Variants in KANK1 observed in about 807,000 individuals in gnomAD.
KANK1 encodes KN motif and ankyrin repeat domain-containing protein 1.
A neutral mutation model predicts 106.2 loss-of-function variants in KANK1; 109 were observed. The observed-to-expected ratio is 1.03, with a 90% CI of 0.88 to 1.20. KANK1 has a LOEUF of 1.20. Ranked by LOEUF, KANK1 falls within the 50% of genes most tolerant of loss-of-function variation. The pLI, the probability that KANK1 is intolerant of heterozygous loss-of-function variation, is 0.00. For missense variants in KANK1, 2,399 were observed against 1,710.7 expected, an observed-to-expected ratio of 1.40 and a Z score of -7.10; for synonymous variants, 873 against 652.2, an observed-to-expected ratio of 1.34 and a Z score of -5.16.
At chr9:523,131 G>A (rs763376184) in intron 1 of KANK1, among the ~76,000 whole-genome samples, 1 of 151,350 alleles carries the variant, frequency 6.6e-6, no homozygotes, top group Non-Finnish European at 1.5e-5. Flanking sequence ...TTTTTCTCCA[G>A]TTCCACTCTG....
At position 494,426 on chromosome 9, in the gene KANK1, CCT is replaced by C. The variant is rs200699955; in HGVS notation, c.-362+21154_-362+21155del. Among the ~76,000 whole-genome samples the C allele has an allele frequency of 5.8e-3, 880 of 152,268 alleles. 9 individuals are homozygous for C. The highest frequency in any genetic ancestry group is 0.02 in the African/African-American group (827 of 41,520). On this transcript the variant is annotated intron_variant, in intron 3 of 15. Coordinates refer to the KANK1 transcript ENST00000382303. ...TTATACTGGCGGTATAGAATTCTCCCCTGTTACTGTGTAACCACGCTACCTCC... is the reference window on the plus strand; with the variant it reads ...TTATACTGGCGGTATAGAATTCTCCCGTTACTGTGTAACCACGCTACCTCC...
At chr9:601,004 G>A (rs1245428164) in intron 1 of KANK1, among the ~76,000 whole-genome samples, 1 of 151,700 alleles carries the variant, frequency 6.6e-6, no homozygotes, top group Admixed American at 6.6e-5. Context: ...ATTAACTAAA[G>A]CAGAAGGAGG....
intron 1 of KANK1, among the ~76,000 whole-genome samples, chr9:636,791 CG>C: frequency 6.6e-6 from 1 of 152,252 alleles, no homozygotes; most frequent in Non-Finnish European, 1.5e-5. Context: ...CGCATGAACC[CG>C]GGAGGTGGAG....
intron 1 of KANK1, among the ~76,000 whole-genome samples, chr9:541,906 G>A (rs933853187): frequency 1.5e-4 from 22 of 151,562 alleles, no homozygotes; most frequent in East Asian, 5.9e-4. Flanking sequence ...TGGCTAACAC[G>A]GTGAAACCCC....
At chr9:485,665 G>T (rs2058279487) in intron 3 of KANK1, among the ~76,000 whole-genome samples, 1 of 152,102 alleles carries the variant, frequency 6.6e-6, no homozygotes, top group South Asian at 2.1e-4. Context: ...TTCAGGTCAG[G>T]AGTTGGAGAC....
chr9:588,480 G>C (rs1179695300), intron 1 of KANK1, among the ~76,000 whole-genome samples: 1 of 152,030 alleles, frequency 6.6e-6, no homozygotes, highest in African/African-American at 2.4e-5. Context: ...CTCTGTTGAT[G>C]TACTGTTTTC....
chr9:572,852 G>T (rs1182213490), intron 1 of KANK1, among the ~76,000 whole-genome samples: 1 of 152,022 alleles, frequency 6.6e-6, no homozygotes, highest in Non-Finnish European at 1.5e-5. Flanking sequence ...AAAAATTTCT[G>T]AAATAAAATT....
At chr9:629,839 A>G (rs1835243506) in intron 1 of KANK1, among the ~76,000 whole-genome samples, 4 of 152,264 alleles carry the variant, frequency 2.6e-5, no homozygotes, top group Admixed American at 2.0e-4. Context: ...TATTTTAAAC[A>G]GCAGGCAATG....
chr9:481,942 C>T (rs1186754553), intron 3 of KANK1, among the ~76,000 whole-genome samples: 3 of 152,126 alleles, frequency 2.0e-5, no homozygotes, highest in African/African-American at 7.2e-5. Flanking sequence ...AGCCCAGGGG[C>T]GAGGAGGAGG....
chr9:680,482 T>C (rs1332491808), intron 2 of KANK1, among the ~76,000 whole-genome samples: 2 of 152,214 alleles, frequency 1.3e-5, no homozygotes, highest in Non-Finnish European at 2.9e-5. Context: ...ACTTCAGACA[T>C]ACAAAATGTG....
rs147995816 is a variant in KANK1, at chr9:648,260, C to A, written c.-83-28630C>A. On this transcript the variant is annotated intron_variant, in intron 1 of 11. Coordinates refer to ENST00000382297, the MANE Select transcript of KANK1 (RefSeq NM_015158.5). ...CCTGTGATCCGCCTGCCCCAGCCTC[C>A]CAAAGTGCTGAGATTACAGGCGTGA... 4.7e-3 allele frequency among the ~76,000 whole-genome samples: 715 copies of A among 152,040 alleles called. 23 individuals carry two copies. Among genetic ancestry groups the A allele is most frequent in the African/African-American group, 0.016 (664 of 41,386 alleles).
intron 1 of KANK1, among the ~76,000 whole-genome samples, chr9:619,790 C>T (rs1217125723): frequency 6.6e-6 from 1 of 152,090 alleles, no homozygotes; most frequent in Non-Finnish European, 1.5e-5. Flanking sequence ...ATACTTTAAA[C>T]AGGCTCTTCC....
intron 1 of KANK1, among the ~76,000 whole-genome samples, chr9:554,860 C>G: frequency 6.6e-6 from 1 of 152,150 alleles, no homozygotes. Context: ...AAAACGAGAT[C>G]TTTCGTGGCA....
At position 699,270 on chromosome 9, in the gene KANK1, C is replaced by T. The variant is rs75459436; in HGVS notation, c.38-11534C>T. Among the ~76,000 whole-genome samples the T allele has an allele frequency of 2.3e-3, 344 of 152,330 alleles. 4 individuals carry two copies. The East Asian group carries it at 0.047, about 21-fold the overall frequency. On this transcript the variant is annotated intron_variant, in intron 2 of 11. Transcript: ENST00000382297. ...CACTTGTCTGTCTCCTCCTATACTT[C>T]GTAAGTTCTACCCAGACAGGCTCTG... is the stretch of plus-strand genomic sequence containing the variant.
At chr9:471,218 C>G (rs748208839) in intron 2 of KANK1, among the ~76,000 whole-genome samples, 13 of 152,100 alleles carry the variant, frequency 8.5e-5, no homozygotes, top group African/African-American at 3.1e-4. Context: ...TCAGAGCTGG[C>G]GAAGCTGGGC....
chr9:505,538 C>T (rs1272771602), intron 1 of KANK1, among the ~76,000 whole-genome samples: 2 of 152,216 alleles, frequency 1.3e-5, no homozygotes, highest in African/African-American at 2.4e-5. Flanking sequence ...GCAGCCACGG[C>T]TCCTTGACCG....
chr9:608,500 T>C (rs1829841786), intron 1 of KANK1, among the ~76,000 whole-genome samples: 1 of 151,858 alleles, frequency 6.6e-6, no homozygotes, highest in African/African-American at 2.4e-5. Context: ...GATCATTGTT[T>C]CAGAGCATGT....
At position 711,444 on chromosome 9, in the gene KANK1, C is replaced by G. The variant is rs1231174113; in HGVS notation, c.678C>G (p.Ala226=). The G allele has an allele frequency of 6.2e-7, 1 of 1,613,956 alleles. No individual in the cohort carries two copies. Among genetic ancestry groups the G allele is most frequent in the Non-Finnish European group, 8.5e-7 (1 of 1,180,032 alleles). Residue 226 remains alanine (A), a synonymous_variant, in exon 3 of 12, where the codon GCC becomes GCG. Coordinates refer to ENST00000382297, the MANE Select transcript of KANK1 (RefSeq NM_015158.5). Reference sequence around the variant, plus strand: ...GTAATGGGGATTATGGTAGCTATGCCCCAGCTGCTCCCACCACTTCCTCCA... The same window carrying G: ...GTAATGGGGATTATGGTAGCTATGCGCCAGCTGCTCCCACCACTTCCTCCA... The part of the protein sequence containing the change: ...YQGNGDYGSY[A]PAAPTTSSMG...
At chr9:722,063 C>G (rs1829475227) in intron 3 of KANK1, among the ~76,000 whole-genome samples, 1 of 152,224 alleles carries the variant, frequency 6.6e-6, no homozygotes. Flanking sequence ...ACATAGCTGA[C>G]TCCGTCTTAC....
Sources: gnomAD v4.1 joint callset for allele counts (sites outside exome capture counted in the v4.1 genomes callset) on GRCh38, gnomAD v4.1.1 for gene constraint, MANE v1.5 for transcripts, NCBI Gene and HGNC (gene_info 2026-07-23, HGNC 2026-07-21) for gene names.